Variants in PCDHGA5 observed in about 807,000 individuals in gnomAD.
PCDHGA5 encodes protocadherin gamma subfamily A, 5, also known as protocadherin gamma-A5.
In PCDHGA5, 36 loss-of-function variants were observed where a neutral mutation model predicts 56.7. That is an observed-to-expected ratio of 0.64 (90% CI 0.49 to 0.84). The LOEUF (loss-of-function observed/expected upper bound fraction) is 0.84. Among genes scored for constraint, PCDHGA5 ranks in the 40% least tolerant of loss-of-function variants. PCDHGA5 has a pLI of 0.00. For missense variants in PCDHGA5, 1,305 were observed against 1,201.5 expected (o/e 1.09, Z -1.27); for synonymous variants, 563 against 520.2 (o/e 1.08, Z -1.12).
At chr5:141,389,564 G>A in intron 1 of PCDHGA5, 1 of 1,613,244 alleles carries the variant, frequency 6.2e-7, no homozygotes, top group East Asian at 2.2e-5. Context: ...CGCCACGGGT[G>A]CTGTACCCCG....
intron 1 of PCDHGA5, chr5:141,370,668 C>CGA (rs1767111229): frequency 5.0e-6 from 8 of 1,613,644 alleles, no homozygotes; most frequent in Non-Finnish European, 5.9e-6. Context: ...CCGTATAGAC[C>CGA]GAGAGGAGAT....
At chr5:141,398,633 A>C (rs749131705) in intron 1 of PCDHGA5, 4 of 1,613,946 alleles carry the variant, frequency 2.5e-6, no homozygotes, top group Non-Finnish European at 3.4e-6. Flanking sequence ...TCTCTGCAGA[A>C]GTATAAACTC....
In PCDHGA5 at chr5:141,485,115, G is replaced by A. The variant is rs1043877839; in HGVS notation, c.2422-9692G>A. 6.9e-6 allele frequency: 9 copies of A among 1,300,470 alleles called. No individual in the cohort carries two copies. Among genetic ancestry groups the A allele is most frequent in the Non-Finnish European group, 1.1e-6 (1 of 911,406 alleles). 80.6% of individuals were successfully genotyped at this position (1,300,470 alleles called of 1,614,324 possible). ...GTGTCTCCAGCTGCTGTGGCTGTTT[G>A]GGGCGGGTCGGCTTCATCCGCGTCT... On this transcript the variant is annotated intron_variant, in intron 1 of 3. Coordinates refer to ENST00000518069, the MANE Select transcript of PCDHGA5 (RefSeq NM_018918.3). The surrounding 1 kb of genome is among the most constrained non-coding windows in gnomAD (Gnocchi z 5.7).
At chr5:141,505,564 G>GGATGTCAAACCTGTGTAGTTTCTCCA in intron 3 of PCDHGA5, 83 bp downstream of exon 3, 1 of 1,603,196 alleles carries the variant, frequency 6.2e-7, no homozygotes, top group Non-Finnish European at 8.5e-7. Context: ...CCCACGGACT[G>GGATGTCAAACCTGTGTAGTTTCTCCA]GATGTCAAAC....
At chr5:141,382,108 G>T (rs1323592761) in intron 1 of PCDHGA5, among the ~76,000 whole-genome samples, 2 of 152,024 alleles carry the variant, frequency 1.3e-5, no homozygotes, top group African/African-American at 4.8e-5. Flanking sequence ...GATTACAGGC[G>T]TGAGCAACAG....
intron 1 of PCDHGA5, among the ~76,000 whole-genome samples, chr5:141,463,641 C>T (rs182957065): frequency 2.0e-5 from 3 of 151,734 alleles, no homozygotes; most frequent in African/African-American, 7.2e-5. Context: ...TTAGTAGAGA[C>T]GGGGTTTCAC....
At chr5:141,483,273 T>G (rs6860615) in intron 1 of PCDHGA5, among the ~76,000 whole-genome samples, 62,442 of 151,936 alleles carry the variant, frequency 0.41, 15,417 homozygotes, top group African/African-American at 0.7. Flanking sequence ...GTTTTAGAAA[T>G]ATTATTCTGT....
chr5:141,388,212 G>C, intron 1 of PCDHGA5: 3 of 1,590,850 alleles, frequency 1.9e-6, no homozygotes, highest in Non-Finnish European at 2.6e-6. Flanking sequence ...TGAGGCTGTT[G>C]CTGAAAATCC....
At position 141,480,148 on chromosome 5, in the gene PCDHGA5, G is replaced by C. The variant is rs139861128; in HGVS notation, c.2422-14659G>C. On this transcript the variant is annotated intron_variant, in intron 1 of 3. Transcript: ENST00000518069. ...ATAACTGTTAAACAATTATTAGCCA[G>C]CTCCTAGCATTTTGGGAGGCTGAGG... 9.2e-4 allele frequency among the ~76,000 whole-genome samples: 140 copies of C among 152,036 alleles called. 1 individual carries two copies. The highest frequency in any genetic ancestry group is 3.1e-3 in the African/African-American group (127 of 41,470).
intron 1 of PCDHGA5, among the ~76,000 whole-genome samples, chr5:141,448,516 A>T (rs1210489939): frequency 3.9e-5 from 6 of 152,152 alleles, no homozygotes; most frequent in Non-Finnish European, 8.8e-5. Flanking sequence ...TTATAACTTT[A>T]TTAAGCATCC....
At chr5:141,441,005 C>T (rs772059231) in intron 1 of PCDHGA5, 1 of 152,116 alleles carries the variant, frequency 6.6e-6, no homozygotes, top group Non-Finnish European at 1.5e-5. Context: ...CTAGTTTGGC[C>T]TTGATCAAAT....
rs1372113910 is a variant in PCDHGA5, at chr5:141,384,481, C to T, written c.2421+17730C>T. On this transcript the variant is annotated intron_variant, in intron 1 of 3. Coordinates refer to ENST00000518069, the MANE Select transcript of PCDHGA5 (RefSeq NM_018918.3). ...CTTTGATTATGAGCAGTTGAGAGAA[C>T]TACAACTAAGAGTGACTGCACATGA... 1.9e-6 allele frequency: 3 copies of T among 1,614,022 alleles called. No homozygotes were observed. The Admixed American group carries it at 5.0e-5, about 27-fold the overall frequency.
intron 1 of PCDHGA5, chr5:141,440,652 C>T (rs755275974): frequency 6.6e-6 from 1 of 152,160 alleles, no homozygotes; most frequent in Non-Finnish European, 1.5e-5. Flanking sequence ...AAAATTATCA[C>T]CTTAGCAGCA....
chr5:141,392,900 A>G, intron 1 of PCDHGA5: 1 of 1,613,714 alleles, frequency 6.2e-7, no homozygotes, highest in Non-Finnish European at 8.5e-7. Flanking sequence ...TCGGGAGGGG[A>G]CAGATTCGCT....
intron 1 of PCDHGA5, chr5:141,388,093 C>T: frequency 7.3e-7 from 1 of 1,371,560 alleles, no homozygotes; most frequent in South Asian, 1.3e-5. Context: ...CGCGTCAGTT[C>T]GGAGAAGCCT....
At chr5:141,406,574 C>A (rs941574087) in intron 1 of PCDHGA5, among the ~76,000 whole-genome samples, 1 of 152,164 alleles carries the variant, frequency 6.6e-6, no homozygotes, top group African/African-American at 2.4e-5. Context: ...CCCTAGTAAA[C>A]CAATTTTTTC....
At position 141,511,235 on chromosome 5, in the gene PCDHGA5, C is replaced by G; in HGVS notation, c.*62C>G. On this transcript the variant is annotated 3_prime_UTR_variant, in exon 4 of 4. Transcript: ENST00000518069. ...CCCCAACCAGCCCAGCTTCTCCTTA[C>G]CTGCACCCAGGCCTCAGAGTTTCAG... 2 of 1,592,936 alleles carry G rather than the reference C, an allele frequency of 1.3e-6. No homozygotes were observed. The highest frequency in any genetic ancestry group is 1.7e-6 in the Non-Finnish European group (2 of 1,169,652).
intron 1 of PCDHGA5, among the ~76,000 whole-genome samples, chr5:141,451,606 G>C (rs2098720118): frequency 6.6e-6 from 1 of 152,152 alleles, no homozygotes; most frequent in Non-Finnish European, 1.5e-5. Flanking sequence ...ACAAGGCTAG[G>C]CATGGTGGCT....
intron 1 of PCDHGA5, chr5:141,370,507 C>G: frequency 1.2e-6 from 2 of 1,613,920 alleles, no homozygotes; most frequent in Non-Finnish European, 1.7e-6. Context: ...TACGCTATTC[C>G]CGAGGAGCTG....
Sources: gnomAD v4.1 joint callset for allele counts (sites outside exome capture counted in the v4.1 genomes callset) on GRCh38, gnomAD v4.1.1 for gene constraint, Gnocchi (gnomAD v3.1) non-coding constraint, MANE v1.5 for transcripts, NCBI Gene and HGNC (gene_info 2026-07-23, HGNC 2026-07-21) for gene names.